The following LIPC variants were observed in gnomAD, a reference collection of about 807,000 sequenced individuals.
The protein encoded by LIPC is lipase C, hepatic type.
A neutral mutation model predicts 50.7 loss-of-function variants in LIPC; 44 were observed. The ratio of observed to expected loss-of-function variants is 0.87; its 90% CI spans 0.68 to 1.11. The LOEUF (loss-of-function observed/expected upper bound fraction) is 1.11, where lower values mean the gene tolerates loss of function less well. Among genes scored for constraint, LIPC ranks in the 50% most tolerant of loss-of-function variants. The pLI is 0.00. For missense variants in LIPC, 697 were observed against 648.2 expected, an observed-to-expected ratio of 1.08 and a Z score of -0.82; for synonymous variants, 271 against 256.4, an observed-to-expected ratio of 1.06 and a Z score of -0.54.
At chr15:58,468,043 A>T (rs902989732) in intron 1 of LIPC, among the ~76,000 whole-genome samples, 2 of 152,186 alleles carry the variant, frequency 1.3e-5, no homozygotes, top group South Asian at 4.1e-4. Flanking sequence ...GATTAATGGG[A>T]ATGATGCATG....
chr15:58,442,886 G>C (rs1281131685), intron 1 of LIPC, among the ~76,000 whole-genome samples: 1 of 152,186 alleles, frequency 6.6e-6, no homozygotes, highest in Non-Finnish European at 1.5e-5. Context: ...ATGGGTATCT[G>C]AGCCTTCAGA....
At chr15:58,450,503 G>T (rs766331743) in intron 1 of LIPC, among the ~76,000 whole-genome samples, 1 of 152,196 alleles carries the variant, frequency 6.6e-6, no homozygotes, top group Non-Finnish European at 1.5e-5. Flanking sequence ...GAACAGCACC[G>T]TCTAAAGGAG....
chr15:58,460,670 T>A (rs760935553), intron 1 of LIPC, among the ~76,000 whole-genome samples: 1 of 152,172 alleles, frequency 6.6e-6, no homozygotes, highest in African/African-American at 2.4e-5. Flanking sequence ...GCAAACTCAA[T>A]GGCCCACTGC....
intron 6 of LIPC, among the ~76,000 whole-genome samples, chr15:58,551,555 T>G (rs146314741): frequency 3.3e-4 from 51 of 152,294 alleles, no homozygotes; most frequent in African/African-American, 1.2e-3. Context: ...CTACTGGTGA[T>G]GCTGGGATGA....
Position 58,481,747 on chromosome 15 carries a change from C to T in LIPC, c.88+49627C>T, listed in dbSNP as rs534370203. Among the ~76,000 whole-genome samples the T allele has an allele frequency of 5.9e-5, 9 of 152,240 alleles. No homozygotes were observed. In the South Asian group the frequency reaches 1.9e-3, roughly 32 times the overall value. On this transcript the variant is annotated intron_variant, in intron 1 of 8. Coordinates refer to ENST00000299022, the MANE Select transcript of LIPC (RefSeq NM_000236.3). ...CTGGGAGGCAGAGGTTACGGTGAGC[C>T]GAGATCGGGCCACTGCACTCCAGCC...
chr15:58,517,055 T>C (rs1892507706), intron 1 of LIPC, among the ~76,000 whole-genome samples: 1 of 152,240 alleles, frequency 6.6e-6, no homozygotes. Flanking sequence ...CAGCCTTTAG[T>C]CTAGGGCAAA....
intron 1 of LIPC, among the ~76,000 whole-genome samples, chr15:58,444,571 G>A (rs1322043312): frequency 6.6e-6 from 1 of 152,158 alleles, no homozygotes. Flanking sequence ...TTCTTCTGAG[G>A]CCTCTCTCCT....
chr15:58,453,327 C>T (rs1260312737), intron 1 of LIPC, among the ~76,000 whole-genome samples: 1 of 152,164 alleles, frequency 6.6e-6, no homozygotes, highest in African/African-American at 2.4e-5. Flanking sequence ...TCTCAGCCAG[C>T]ATACAGCCTG....
chr15:58,557,175 C>A (rs778267542), intron 6 of LIPC, among the ~76,000 whole-genome samples: 7 of 152,098 alleles, frequency 4.6e-5, no homozygotes, highest in Non-Finnish European at 1.0e-4. Context: ...TGAGCCGACG[C>A]CCCAGCCATA....
At chr15:58,566,530 A>G (rs1454332005) in intron 8 of LIPC, 14 of 826,668 alleles carry the variant, frequency 1.7e-5, no homozygotes, top group Non-Finnish European at 2.0e-5. Context: ...TCGGGATGGG[A>G]ACATTAAACT....
At chr15:58,526,775 C>T (rs561566845) in intron 1 of LIPC, among the ~76,000 whole-genome samples, 4 of 152,166 alleles carry the variant, frequency 2.6e-5, no homozygotes, top group African/African-American at 7.2e-5. Context: ...ACATTGAATG[C>T]CAACCCCTGG....
rs574738228 is a variant in LIPC, at chr15:58,478,205, G to C, written c.88+46085G>C. On this transcript the variant is annotated intron_variant, in intron 1 of 8. Coordinates refer to ENST00000299022, the MANE Select transcript of LIPC (RefSeq NM_000236.3). ...CTCACATTTCTTGAGCTAAGAGCCA[G>C]ACACTTCACAAACTCACTCTCACAT... Among the ~76,000 whole-genome samples the C allele has an allele frequency of 2.0e-5, 3 of 152,274 alleles. No individual in the cohort carries two copies. In the East Asian group the frequency reaches 5.8e-4, roughly 29 times the overall value.
chr15:58,542,750 A>G, intron 4 of LIPC, 99 bp downstream of exon 4: 1 of 790,562 alleles, frequency 1.3e-6, no homozygotes, highest in Non-Finnish European at 2.3e-6. Flanking sequence ...ACACCCCAAC[A>G]CTTATTGTGA....
At chr15:58,554,520 T>C (rs2140939392) in intron 6 of LIPC, among the ~76,000 whole-genome samples, 1 of 151,796 alleles carries the variant, frequency 6.6e-6, no homozygotes, top group Non-Finnish European at 1.5e-5. Context: ...GGTGGCAGGG[T>C]AGAATGATAG....
chr15:58,550,136 C>G (rs531491245), intron 6 of LIPC, among the ~76,000 whole-genome samples: 82 of 152,272 alleles, frequency 5.4e-4, no homozygotes, highest in African/African-American at 1.9e-3. Flanking sequence ...GCATTTAGAC[C>G]TGGGGCCTCC....
At position 58,563,700 on chromosome 15, in the gene LIPC, CA is replaced by C; in HGVS notation, c.1368del (p.Ala457GlnfsTer8). On this transcript the variant is annotated frameshift_variant, in exon 8 of 9. Transcript: ENST00000299022. LOFTEE classifies it high-confidence loss of function. ...SGLVLKTIRV[K>X]AGETQQRMTF... ...GCCTCGTTCTGAAGACGATCAGAGT[CA>C]AAGCAGGAGAAACCCAGCAAAGGTG... 2 of 1,613,304 alleles carry C rather than the reference CA, an allele frequency of 1.2e-6. No individual in the cohort carries two copies. The highest frequency in any genetic ancestry group is 1.7e-6 in the Non-Finnish European group (2 of 1,180,014).
intron 1 of LIPC, among the ~76,000 whole-genome samples, chr15:58,479,009 A>C (rs1891096846): frequency 1.3e-5 from 2 of 152,210 alleles, no homozygotes; most frequent in East Asian, 1.9e-4. Flanking sequence ...CTGGACTTTC[A>C]GATGTTCAAT....
chr15:58,497,248 T>A (rs1002739692), intron 1 of LIPC, among the ~76,000 whole-genome samples: 1 of 151,934 alleles, frequency 6.6e-6, no homozygotes, highest in South Asian at 2.1e-4. Flanking sequence ...GACAAATGGC[T>A]CCCCCGTCAG....
At chr15:58,439,881 G>GA (rs1274571446) in intron 1 of LIPC, among the ~76,000 whole-genome samples, 2 of 152,020 alleles carry the variant, frequency 1.3e-5, no homozygotes, top group African/African-American at 2.4e-5. Context: ...AACCACTAGA[G>GA]AAAAAACAAA....
Sources: allele counts gnomAD v4.1 joint callset (sites outside exome capture counted in the v4.1 genomes callset), GRCh38; gene constraint gnomAD v4.1.1; transcripts MANE v1.5; gene names NCBI Gene and HGNC (gene_info 2026-07-23, HGNC 2026-07-21).